Variants in TRHDE observed in about 807,000 individuals in gnomAD.
The protein encoded by TRHDE is thyrotropin-releasing hormone-degrading ectoenzyme.
TRHDE carries 72 observed loss-of-function variants against 125.7 expected under a neutral mutation model. That is an observed-to-expected ratio of 0.57 (90% CI 0.47 to 0.70). The LOEUF is 0.70. Ranked by LOEUF, TRHDE falls within the 30% of genes least tolerant of loss-of-function variation. The pLI is 0.00. For synonymous variants in TRHDE, 509 were observed against 509.1 expected (o/e 1.00, Z 0.00); for missense variants, 1,110 against 1,327.1 (o/e 0.84, Z 2.54).
chr12:72,113,828 C>T (rs1875379442), intron 2 of TRHDE, among the ~76,000 whole-genome samples: 1 of 152,000 alleles, frequency 6.6e-6, no homozygotes, highest in African/African-American at 2.4e-5. Context: ...AAGCTATTAC[C>T]TTGAAAGATG....
chr12:72,656,889 G>A (rs776888752), intron 17 of TRHDE, 38 bp from the exon 18 acceptor site: 32 of 1,322,860 alleles, frequency 2.4e-5, no homozygotes, highest in Admixed American at 1.9e-4. Flanking sequence ...TTAAAATTAT[G>A]ACCTGCATTG....
intron 15 of TRHDE, among the ~76,000 whole-genome samples, chr12:72,624,445 G>C (rs993776022): frequency 6.6e-6 from 1 of 151,906 alleles, no homozygotes; most frequent in Non-Finnish European, 1.5e-5. Context: ...AAAACAGTGA[G>C]TCATAGAAGT....
At chr12:72,187,524 A>AGGG (rs1877251604) in intron 2 of TRHDE, among the ~76,000 whole-genome samples, 1 of 149,164 alleles carries the variant, frequency 6.7e-6, no homozygotes, top group Non-Finnish European at 1.5e-5. Flanking sequence ...GAGGAGGAGG[A>AGGG]GGAGGAGGAG....
At chr12:72,351,594 T>C (rs1870584117) in intron 2 of TRHDE, among the ~76,000 whole-genome samples, 1 of 151,932 alleles carries the variant, frequency 6.6e-6, no homozygotes. Context: ...CTAGAGTCCC[T>C]GAGCCTCTCT....
intron 3 of TRHDE, among the ~76,000 whole-genome samples, chr12:72,438,081 C>G (rs1874824890): frequency 6.6e-6 from 1 of 151,820 alleles, no homozygotes; most frequent in East Asian, 1.9e-4. Context: ...CCTTCAGGTT[C>G]ATCCATGTTG....
At chr12:72,539,623 T>A (rs1217695853) in intron 6 of TRHDE, among the ~76,000 whole-genome samples, 3 of 151,812 alleles carry the variant, frequency 2.0e-5, no homozygotes, top group Admixed American at 6.6e-5. Flanking sequence ...ATGGCTACAA[T>A]GTAAAATAAA....
In TRHDE at chr12:72,272,665, G is replaced by A. The variant is rs1214642842; in HGVS notation, c.22G>A (p.Gly8Arg). Reference sequence around the variant, plus strand: ...TGTGATGGCCCTGGACGGCGAGCTGGGGGAGCAAGAGGAGGAGAAGAAAAA... The same window carrying A: ...TGTGATGGCCCTGGACGGCGAGCTGAGGGAGCAAGAGGAGGAGAAGAAAAA... MALDGEL[G>R]EQEEEKKKKK... Residue 8 changes from glycine to arginine, a missense_variant, in exon 1 of 19, where the codon GGG (glycine) becomes AGG (arginine). Physicochemically the swap from Gly to Arg is moderately radical, Grantham distance 125. Around this residue, in one of 5 missense-constraint regions of TRHDE, gnomAD observed 248 missense variants for 240.8 expected, o/e 1.03. Coordinates refer to ENST00000261180, the MANE Select transcript of TRHDE (RefSeq NM_013381.3). The surrounding 1 kb of genome is among the most constrained non-coding windows in gnomAD (Gnocchi z 6.7). The A allele has an allele frequency of 1.6e-6, 2 of 1,251,990 alleles. No individual in the cohort carries two copies. The highest frequency in any genetic ancestry group is 2.7e-5 in the East Asian group (1 of 37,410). The allele number at this position is 1,251,990 out of a possible 1,614,324, so 77.6% of individuals were successfully genotyped here. A position where few individuals can be genotyped will look rare whatever the true frequency, so the allele number is the denominator to read the frequency against.
chr12:72,365,454 C>G (rs1871302063), intron 2 of TRHDE, among the ~76,000 whole-genome samples: 1 of 152,098 alleles, frequency 6.6e-6, no homozygotes, highest in South Asian at 2.1e-4. Flanking sequence ...TTTGGTGATT[C>G]TGATGCAAAC....
intron 2 of TRHDE, among the ~76,000 whole-genome samples, chr12:72,142,457 G>A (rs1235801549): frequency 6.6e-6 from 1 of 152,078 alleles, no homozygotes; most frequent in Admixed American, 6.5e-5. Flanking sequence ...GATACACTTG[G>A]GGTAACTTGG....
chr12:72,130,008 G>T (rs997513933), intron 2 of TRHDE, among the ~76,000 whole-genome samples: 3 of 152,110 alleles, frequency 2.0e-5, no homozygotes, highest in Non-Finnish European at 4.4e-5. Context: ...ACATGTTAAA[G>T]ATTACGTTTT....
intron 2 of TRHDE, among the ~76,000 whole-genome samples, chr12:72,305,682 C>T (rs1425488713): frequency 1.3e-5 from 2 of 152,046 alleles, no homozygotes; most frequent in African/African-American, 4.8e-5. Context: ...TTGGGCAATC[C>T]CAAGCCGGCA....
At chr12:72,557,139 G>C (rs1869963269) in intron 7 of TRHDE, among the ~76,000 whole-genome samples, 1 of 152,156 alleles carries the variant, frequency 6.6e-6, no homozygotes, top group Non-Finnish European at 1.5e-5. Context: ...TAGAGCACAT[G>C]GTGCAATGTT....
intron 5 of TRHDE, among the ~76,000 whole-genome samples, chr12:72,488,745 A>AT (rs1338660144): frequency 1.3e-5 from 2 of 151,982 alleles, no homozygotes; most frequent in Non-Finnish European, 2.9e-5. Flanking sequence ...AATAGACCAT[A>AT]TGTAAGGCCA....
intron 2 of TRHDE, among the ~76,000 whole-genome samples, chr12:72,117,242 T>C (rs1207767586): frequency 6.6e-6 from 1 of 152,124 alleles, no homozygotes; most frequent in East Asian, 1.9e-4. Flanking sequence ...TCCATTTTGA[T>C]TTGTTTTTTT....
chr12:72,409,683 G>A (rs2135812844), intron 3 of TRHDE, among the ~76,000 whole-genome samples: 1 of 152,274 alleles, frequency 6.6e-6, no homozygotes, highest in Non-Finnish European at 1.5e-5. Context: ...GGATTTACCT[G>A]TGATTGCAGT....
chr12:72,558,472 G>T (rs930338583), intron 7 of TRHDE, among the ~76,000 whole-genome samples: 1 of 152,136 alleles, frequency 6.6e-6, no homozygotes, highest in Non-Finnish European at 1.5e-5. Context: ...GTTAACAAAT[G>T]GGATTTGAGA....
chr12:72,511,992 T>A (rs1878600051), intron 6 of TRHDE, among the ~76,000 whole-genome samples: 1 of 152,202 alleles, frequency 6.6e-6, no homozygotes. Flanking sequence ...TGTTAACTAA[T>A]GGTTTAGATA....
intron 15 of TRHDE, among the ~76,000 whole-genome samples, chr12:72,642,899 G>A (rs568780083): frequency 6.6e-6 from 1 of 152,130 alleles, no homozygotes; most frequent in South Asian, 2.1e-4. Flanking sequence ...TAATGACTTT[G>A]GTTTATACAA....
At chr12:72,525,468 A>T (rs965071657) in intron 6 of TRHDE, among the ~76,000 whole-genome samples, 3 of 152,092 alleles carry the variant, frequency 2.0e-5, no homozygotes, top group African/African-American at 4.8e-5. Context: ...TAAAAATCAA[A>T]TTAAAAGATT....
Sources: gnomAD v4.1 joint callset for allele counts (sites outside exome capture counted in the v4.1 genomes callset) on GRCh38, gnomAD v4.1.1 for gene constraint, gnomAD v4.1.1 regional missense constraint, Gnocchi (gnomAD v3.1) non-coding constraint, MANE v1.5 for transcripts, NCBI Gene and HGNC (gene_info 2026-07-23, HGNC 2026-07-21) for gene names.